The following HLA-DPA1 variants were observed in gnomAD, a reference collection of about 807,000 sequenced individuals.
HLA-DPA1 encodes HLA class II histocompatibility antigen, DP alpha 1 chain.
Under a neutral mutation model 21.5 loss-of-function variants are expected in HLA-DPA1, and 20 were observed. The observed-to-expected ratio is 0.93, with a 90% confidence interval of 0.66 to 1.35. HLA-DPA1 has a LOEUF of 1.35. Among genes scored for constraint, HLA-DPA1 ranks in the 40% most tolerant of loss-of-function variants. The pLI, the probability that HLA-DPA1 is intolerant of heterozygous loss-of-function variation, is 0.00. For synonymous variants in HLA-DPA1, 123 were observed against 129.6 expected, an observed-to-expected ratio of 0.95 and a Z score of 0.35; for missense variants, 279 against 323.0, an observed-to-expected ratio of 0.86 and a Z score of 1.05.
exon 6 of HLA-DPA1, chr6:33,065,000 C>CA (rs1252437158): frequency 6.6e-6 from 1 of 152,168 alleles, no homozygotes; most frequent in Non-Finnish European, 1.5e-5. Context: ...AAGAATGACT[C>CA]AGAGTCTCCC....
chr6:33,068,703 T>TATA, exon 5 of HLA-DPA1: 1 of 1,613,026 alleles, frequency 6.2e-7, no homozygotes, highest in Non-Finnish European at 8.5e-7. Flanking sequence ...GACTTTATGA[T>TATA]GAGGACGGTG....
At chr6:33,073,557 T>G in exon 2 of HLA-DPA1, 1 of 1,612,362 alleles carries the variant, frequency 6.2e-7, no homozygotes, top group Non-Finnish European at 8.5e-7. Context: ...GAACATTCTG[T>G]CTTCAGGGCG....
intron 2 of HLA-DPA1, among the ~76,000 whole-genome samples, chr6:33,071,073 C>T (rs28438582): frequency 0.29 from 43,306 of 151,830 alleles, 8,084 homozygotes; most frequent in East Asian, 0.66. Flanking sequence ...CTGCTCTCAC[C>T]TCCCAACTCA....
rs7768345 is a variant in HLA-DPA1 at position 33,068,912 on chromosome 6, C to T, written c.628+107G>A. 9,573 of 1,536,318 alleles carry T rather than the reference C, an allele frequency of 6.2e-3. 475 individuals carry two copies. In the African/African-American group the frequency reaches 0.11, roughly 17 times the overall value. ...TGGACCAGTTAATTGGATGTTAGGA[C>T]GAGGAGAGGACTGAGACCCAGCCAG... On this transcript the variant is annotated intron_variant, in intron 4 of 5. Coordinates refer to ENST00000419277, the Ensembl canonical transcript of HLA-DPA1.
intron 4 of HLA-DPA1, 79 bp from the exon 4 acceptor site, chr6:33,068,883 G>T: frequency 6.4e-7 from 1 of 1,556,242 alleles, no homozygotes; most frequent in African/African-American, 1.4e-5. Context: ...GGAATTGAAG[G>T]TTATGGACCA....
At chr6:33,070,772 G>A (rs191486458) in intron 2 of HLA-DPA1, among the ~76,000 whole-genome samples, 8 of 152,202 alleles carry the variant, frequency 5.3e-5, no homozygotes, top group South Asian at 2.1e-4. Context: ...CTCATGACTT[G>A]GGGGTTTAGT....
chr6:33,068,557 T>C (rs769478411), intron 5 of HLA-DPA1, 81 bp downstream of exon 4: 80 of 1,146,018 alleles, frequency 7.0e-5, no homozygotes, highest in Non-Finnish European at 7.8e-5. Flanking sequence ...CATTAGAAGA[T>C]CAATGAACAC....
At chr6:33,068,098 G>A (rs1762051749) in intron 5 of HLA-DPA1, 2 of 152,218 alleles carry the variant, frequency 1.3e-5, no homozygotes, top group Non-Finnish European at 2.9e-5. Flanking sequence ...TTTTTTGTGT[G>A]AACATTGCCA....
chr6:33,071,619 C>A (rs146510176), intron 2 of HLA-DPA1, among the ~76,000 whole-genome samples: 1 of 152,052 alleles, frequency 6.6e-6, no homozygotes, highest in African/African-American at 2.4e-5. Context: ...ATAATACATA[C>A]GTCCTGTTCT....
exon 4 of HLA-DPA1, chr6:33,069,150 C>T (rs1035291194): frequency 3.1e-6 from 5 of 1,613,050 alleles, no homozygotes; most frequent in Non-Finnish European, 4.2e-6. Context: ...CAGGAAGAGG[C>T]TCTCAGCGAC....
chr6:33,068,614 A>G (rs758608352), intron 5 of HLA-DPA1, 24 bp downstream of exon 4: 6 of 1,545,576 alleles, frequency 3.9e-6, no homozygotes, highest in Non-Finnish European at 4.4e-6. Flanking sequence ...TACAAATCCT[A>G]GGGCCTCCTC....
Position 33,069,312 on chromosome 6 carries a change from C to T in HLA-DPA1, c.347-12G>A. The T allele has an allele frequency of 1.2e-6, 2 of 1,609,386 alleles. No homozygotes were observed. The highest frequency in any genetic ancestry group is 1.7e-6 in the Non-Finnish European group (2 of 1,177,906). ...CACCTCAGGGGGATCTGGAAGGAGA[C>T]AGCACCAGGTTAGGCCCCTCTTCTG... On this transcript the variant is annotated splice_polypyrimidine_tract_variant and intron_variant, in intron 3 of 5. Coordinates refer to ENST00000419277, the Ensembl canonical transcript of HLA-DPA1.
At chr6:33,073,084 T>C (rs1034249411) in intron 2 of HLA-DPA1, among the ~76,000 whole-genome samples, 7 of 152,338 alleles carry the variant, frequency 4.6e-5, no homozygotes, top group South Asian at 2.1e-4. Flanking sequence ...TGCAGGAATC[T>C]GGGGAAGGCA....
At chr6:33,074,748 C>A (rs566018392) in intron 1 of HLA-DPA1, among the ~76,000 whole-genome samples, 9 of 152,242 alleles carry the variant, frequency 5.9e-5, no homozygotes, top group African/African-American at 2.2e-4. Flanking sequence ...TTAATGTCTA[C>A]TGTAAAAATA....
At chr6:33,068,918 G>A (rs2150358198) in intron 4 of HLA-DPA1, 101 bp downstream of exon 3, 2 of 1,534,488 alleles carry the variant, frequency 1.3e-6, no homozygotes, top group Non-Finnish European at 1.8e-6. Context: ...AGGACGAGGA[G>A]AGGACTGAGA....
rs769136548 is a variant in HLA-DPA1 at position 33,080,582 on chromosome 6, T to C, written c.-100+98A>G. On this transcript the variant is annotated intron_variant, in intron 1 of 5. Transcript: ENST00000419277. This position sits in a 1 kb window ranked among gnomAD's most constrained non-coding sequence, Gnocchi z 4.3. ...AAAATCCAGCCCTGGGTGGGAAGAT[T>C]TGGGAAGAATCGTTAATATTGAGAG... 2 of 1,579,152 alleles carry C rather than the reference T, an allele frequency of 1.3e-6. No homozygotes were observed. The highest frequency in any genetic ancestry group is 1.7e-6 in the Non-Finnish European group (2 of 1,151,536).
chr6:33,074,539 A>G (rs542638377), intron 1 of HLA-DPA1, among the ~76,000 whole-genome samples: 5 of 152,306 alleles, frequency 3.3e-5, no homozygotes, highest in African/African-American at 9.6e-5. Flanking sequence ...TTTGATACTC[A>G]TAGAGAAGGT....
intron 3 of HLA-DPA1, 37 bp from the exon 3 acceptor site, chr6:33,069,337 G>A: frequency 6.3e-7 from 1 of 1,582,922 alleles, no homozygotes; most frequent in Non-Finnish European, 8.6e-7. Context: ...CCCCTCTTCT[G>A]GGATGAATCA....
chr6:33,076,599 C>G (rs980510644), intron 1 of HLA-DPA1, among the ~76,000 whole-genome samples: 2 of 152,128 alleles, frequency 1.3e-5, no homozygotes, highest in African/African-American at 4.8e-5. Flanking sequence ...CAGGGTGGAG[C>G]AGGAGCCCAC....
Sources: gnomAD v4.1 joint callset for allele counts (sites outside exome capture counted in the v4.1 genomes callset) on GRCh38, gnomAD v4.1.1 for gene constraint, Gnocchi (gnomAD v3.1) non-coding constraint, MANE v1.5 for transcripts, NCBI Gene and HGNC (gene_info 2026-07-23, HGNC 2026-07-21) for gene names.